FMNL3: variants seen among roughly 807,000 people sequenced by gnomAD.
The protein encoded by FMNL3 is formin-like protein 3.
A neutral mutation model predicts 119.6 loss-of-function variants in FMNL3; 57 were observed. The observed-to-expected ratio is 0.48, with a 90% CI of 0.39 to 0.59. The LOEUF (loss-of-function observed/expected upper bound fraction) is 0.59. Among genes scored for constraint, FMNL3 ranks in the 20% least tolerant of loss-of-function variants. The probability of loss-of-function intolerance (pLI) is 0.00; values close to 1 mark genes in which losing one functional copy is unlikely to be tolerated. For synonymous variants in FMNL3, 491 were observed against 507.3 expected (o/e 0.97, Z 0.43); for missense variants, 1,053 against 1,323.5 (o/e 0.80, Z 3.17).
chr12:49,648,811 G>C (rs551126766), intron 21 of FMNL3, among the ~76,000 whole-genome samples: 1 of 152,368 alleles, frequency 6.6e-6, no homozygotes, highest in South Asian at 2.1e-4. Flanking sequence ...ACTGTACCTA[G>C]CTGGGAAGGG....
At chr12:49,648,990 G>A in intron 21 of FMNL3, 39 bp downstream of exon 21, 1 of 1,554,544 alleles carries the variant, frequency 6.4e-7, no homozygotes. Context: ...GTCCTGGGCT[G>A]GATGTGAGGG....
intron 1 of FMNL3, among the ~76,000 whole-genome samples, chr12:49,691,667 C>T (rs1944603872): frequency 1.3e-5 from 2 of 152,132 alleles, no homozygotes; most frequent in Admixed American, 1.3e-4. Flanking sequence ...CACTGGTGCC[C>T]TTTCTCTCTC....
At chr12:49,651,909 G>C in intron 14 of FMNL3, 24 bp downstream of exon 14, 1 of 1,551,422 alleles carries the variant, frequency 6.4e-7, no homozygotes, top group Non-Finnish European at 8.7e-7. Flanking sequence ...GCCCCTGTTG[G>C]CTCCCAGGGG....
chr12:49,643,228 T>C lies in FMNL3; in HGVS notation c.*2587A>G, dbSNP rs751539802. 1.2e-6 allele frequency: 2 copies of C among 1,614,096 alleles called. No individual in the cohort carries two copies. The highest frequency in any genetic ancestry group is 1.7e-6 in the Non-Finnish European group (2 of 1,180,024). The stretch of plus-strand genomic sequence containing the variant: ...GTATCTGCTGATCTGCCCAGGGCTC[T>C]GAGTCAGAAGAAGAGGAGCTGCCCC... On this transcript the variant is annotated 3_prime_UTR_variant, in exon 26 of 26. Coordinates refer to ENST00000335154, the MANE Select transcript of FMNL3 (RefSeq NM_175736.5).
At position 49,693,651 on chromosome 12, in the gene FMNL3, T is replaced by G. The variant is rs1296030238; in HGVS notation, c.126+13404A>C. 4.5e-5 allele frequency among the ~76,000 whole-genome samples: 6 copies of G among 132,152 alleles called. 2 individuals carry two copies. Among genetic ancestry groups the G allele is most frequent in the South Asian group, 5.4e-4 (2 of 3,736 alleles). The allele number at this position is 132,152 out of a possible 152,430, so 86.7% of individuals were successfully genotyped here. On this transcript the variant is annotated intron_variant, in intron 1 of 25. Coordinates refer to ENST00000335154, the MANE Select transcript of FMNL3 (RefSeq NM_175736.5). Reference sequence around the variant, plus strand: ...CCCAATCTTGGTTTTTTTTTTTTTTTTTTTTTTTTTTTTTGAGACAGAGTT... The same window carrying G: ...CCCAATCTTGGTTTTTTTTTTTTTTGTTTTTTTTTTTTTTGAGACAGAGTT...
chr12:49,677,579 T>A (rs1054730553), intron 1 of FMNL3, among the ~76,000 whole-genome samples: 15 of 152,388 alleles, frequency 9.8e-5, no homozygotes, highest in African/African-American at 3.6e-4. Context: ...ATGCTACCTA[T>A]GTTTTTTCAG....
intron 1 of FMNL3, among the ~76,000 whole-genome samples, chr12:49,703,773 A>G (rs1349863926): frequency 2.0e-5 from 3 of 152,164 alleles, no homozygotes; most frequent in Non-Finnish European, 4.4e-5. Context: ...ACTTTGGCTG[A>G]CAGATCATGT....
intron 17 of FMNL3, among the ~76,000 whole-genome samples, chr12:49,650,213 C>G (rs1015002678): frequency 6.6e-6 from 1 of 152,138 alleles, no homozygotes; most frequent in Non-Finnish European, 1.5e-5. Flanking sequence ...CTGCCCAACT[C>G]TCTACCTTCT....
rs781112803 is a variant in FMNL3 at position 49,668,427 on chromosome 12, A to C, written c.210+44T>G. The C allele has an allele frequency of 1.3e-5, 21 of 1,600,308 alleles. No individual in the cohort carries two copies. In the Admixed American group the frequency reaches 2.3e-4, roughly 18 times the overall value. On this transcript the variant is annotated intron_variant, in intron 2 of 25. Transcript: ENST00000335154. ...TTGGCCCCACAGCCTTAGCCAGCCC[A>C]AGACACAACTCCCTACCTCCCTCCT...
Position 49,668,516 on chromosome 12 carries a change from C to A in FMNL3, c.165G>T (p.Leu55=). The A allele has an allele frequency of 6.2e-7, 1 of 1,614,166 alleles. No individual in the cohort carries two copies. Among genetic ancestry groups the A allele is most frequent in the Non-Finnish European group, 8.5e-7 (1 of 1,180,028 alleles). ...MNLPPDKARL[L]RQYDNEKKWD... Reference sequence around the variant, plus strand: ...ATTTCTTCTCATTGTCATACTGCCGCAGGAGCCGGGCCTTGTCTGGAGGCA... The same window carrying A: ...ATTTCTTCTCATTGTCATACTGCCGAAGGAGCCGGGCCTTGTCTGGAGGCA... Residue 55 remains leucine, a synonymous_variant, in exon 2 of 26, where the codon CTG becomes CTT. Transcript: ENST00000335154.
At position 49,656,450 on chromosome 12, in the gene FMNL3, C is replaced by T. The variant is rs767828642; in HGVS notation, c.839G>A (p.Arg280Gln). Residue 280 changes from arginine (R) to glutamine (Q), a missense_variant, in exon 9 of 26, where the codon CGA becomes CAA. Coordinates refer to ENST00000335154, the MANE Select transcript of FMNL3 (RefSeq NM_175736.5). ...LELLAAVCLV[R>Q]GGHEIILAAF... ...AGCAAGGATGATTTCGTGACCTCCT[C>T]GCACCAAACACACAGCTGCCAGAAG... is the stretch of plus-strand genomic sequence containing the variant. 2.5e-6 allele frequency: 4 copies of T among 1,614,004 alleles called. No homozygotes were observed. The highest frequency in any genetic ancestry group is 2.2e-5 in the East Asian group (1 of 44,892).
chr12:49,647,782 C>T lies in FMNL3; in HGVS notation c.2699G>A (p.Arg900His), dbSNP rs939327883. 1.4e-5 allele frequency: 22 copies of T among 1,613,260 alleles called. 1 individual carries two copies. In the East Asian group the frequency reaches 2.5e-4, roughly 18 times the overall value. The change falls in exon 23 of 26, where the codon CGC becomes CAC. Residue 900 changes from arginine to histidine, a missense_variant. Physicochemically the swap from Arg to His is conservative, Grantham distance 29. Coordinates refer to ENST00000335154, the MANE Select transcript of FMNL3 (RefSeq NM_175736.5). The surrounding 1 kb of genome is among the most constrained non-coding windows in gnomAD (Gnocchi z 4.9). Reference sequence around the variant, plus strand: ...AGTCTTGGGACTCTCGCCAAAGTAGCGCACAACTGCATTGTAGGCCTCCTG... The same window carrying T: ...AGTCTTGGGACTCTCGCCAAAGTAGTGCACAACTGCATTGTAGGCCTCCTG... ...TAEEAYNAVV[R>H]YFGESPKTTP... is the part of the protein sequence containing the mutation.
chr12:49,663,411 TG>T (rs1200814523), intron 4 of FMNL3, among the ~76,000 whole-genome samples: 1 of 152,222 alleles, frequency 6.6e-6, no homozygotes, highest in Non-Finnish European at 1.5e-5. Context: ...CTGCAAGCCC[TG>T]GGGCTGATCA....
Position 49,640,192 on chromosome 12 carries a change from G to C in FMNL3, c.*5623C>G, listed in dbSNP as rs531215938. 4.6e-5 allele frequency: 7 copies of C among 152,228 alleles called. No homozygotes were observed. Among genetic ancestry groups the C allele is most frequent in the Non-Finnish European group, 1.0e-4 (7 of 68,052 alleles). The allele number at this position is 152,228 out of a possible 1,614,324, so 9.4% of individuals were successfully genotyped here. On this transcript the variant is annotated 3_prime_UTR_variant, in exon 26 of 26. Coordinates refer to ENST00000335154, the MANE Select transcript of FMNL3 (RefSeq NM_175736.5). ...GATAATGCAAAGAGCCCTGGACTTA[G>C]AACAGGCAGACAGATCCGGGTCAGG...
chr12:49,664,487 T>G (rs183813419), intron 4 of FMNL3, among the ~76,000 whole-genome samples: 3 of 152,226 alleles, frequency 2.0e-5, no homozygotes, highest in African/African-American at 7.2e-5. Context: ...GGTAGGGGGC[T>G]CAGGGTGGCA....
chr12:49,665,555 G>C (rs1490453985), intron 4 of FMNL3, among the ~76,000 whole-genome samples: 1 of 152,150 alleles, frequency 6.6e-6, no homozygotes, highest in Non-Finnish European at 1.5e-5. Context: ...CAACTGCTGT[G>C]GGAATGTCTT....
intron 1 of FMNL3, among the ~76,000 whole-genome samples, chr12:49,677,316 G>C (rs542475151): frequency 6.4e-4 from 98 of 152,270 alleles, no homozygotes; most frequent in African/African-American, 2.2e-3. Flanking sequence ...GACCCTCCTA[G>C]AGGCACACAT....
At chr12:49,664,309 A>C (rs1274242928) in intron 4 of FMNL3, among the ~76,000 whole-genome samples, 1 of 152,106 alleles carries the variant, frequency 6.6e-6, no homozygotes. Flanking sequence ...GGAGGCTGGG[A>C]TAGGAGGATC....
At chr12:49,696,949 G>C (rs767733346) in intron 1 of FMNL3, among the ~76,000 whole-genome samples, 12 of 152,178 alleles carry the variant, frequency 7.9e-5, no homozygotes, top group Non-Finnish European at 1.5e-4. Context: ...CTCCAGGCTG[G>C]CAGCCAGGGC....
Sources: gnomAD v4.1 joint callset for allele counts (sites outside exome capture counted in the v4.1 genomes callset) on GRCh38, gnomAD v4.1.1 for gene constraint, Gnocchi (gnomAD v3.1) non-coding constraint, MANE v1.5 for transcripts, NCBI Gene and HGNC (gene_info 2026-07-23, HGNC 2026-07-21) for gene names.